CIB2: variants seen among roughly 807,000 people sequenced by gnomAD.
CIB2 encodes the protein calcium and integrin binding family member 2.
In CIB2, 19 loss-of-function variants were observed where a neutral mutation model predicts 23.1. The observed-to-expected ratio is 0.82, with a 90% CI of 0.57 to 1.21. The LOEUF is 1.21. CIB2 is among the 50% of genes most tolerant of loss of function. CIB2 has a pLI of 0.00. For synonymous variants in CIB2, 94 were observed against 91.7 expected (o/e 1.03, Z -0.14); for missense variants, 220 against 241.5 (o/e 0.91, Z 0.59).
chr15:78,118,625 A>G (rs2074274599), intron 2 of CIB2, among the ~76,000 whole-genome samples: 1 of 152,114 alleles, frequency 6.6e-6, no homozygotes. Flanking sequence ...AAAATAACAG[A>G]AAATTTACCA....
At chr15:78,116,153 T>C (rs912275449) in intron 2 of CIB2, among the ~76,000 whole-genome samples, 5 of 151,874 alleles carry the variant, frequency 3.3e-5, no homozygotes, top group Non-Finnish European at 7.4e-5. Flanking sequence ...ATACAGGAGG[T>C]GCCGATTTAA....
At chr15:78,111,362 C>G in intron 2 of CIB2, 86 bp from the exon 3 acceptor site, 1 of 1,027,786 alleles carries the variant, frequency 9.7e-7, no homozygotes, top group Non-Finnish European at 1.5e-6. Context: ...AGGCCTCTGC[C>G]TCTGCAGAAC....
chr15:78,110,234 G>A (rs906202598), intron 3 of CIB2, among the ~76,000 whole-genome samples: 3 of 152,206 alleles, frequency 2.0e-5, no homozygotes, highest in African/African-American at 4.8e-5. Flanking sequence ...CTGAGCTAGC[G>A]CTTGGCTAGC....
chr15:78,109,838 C>T (rs990243154), intron 3 of CIB2, among the ~76,000 whole-genome samples: 1 of 149,530 alleles, frequency 6.7e-6, no homozygotes, highest in Non-Finnish European at 1.5e-5. Flanking sequence ...ATGCTGAGCA[C>T]AGCCAGTGTG....
intron 4 of CIB2, 25 bp downstream of exon 4, chr15:78,109,210 G>C: frequency 3.3e-6 from 5 of 1,515,242 alleles, no homozygotes; most frequent in Admixed American, 3.9e-5. Flanking sequence ...CGCATATTCA[G>C]GCCCCCTCCT....
At chr15:78,109,580 A>C (rs1291624827) in intron 3 of CIB2, 198 bp from the exon 4 acceptor site, 1 of 637,148 alleles carries the variant, frequency 1.6e-6, no homozygotes, top group Non-Finnish European at 2.8e-6. Context: ...TAAAGTATGT[A>C]AGGTGTTGGT....
At chr15:78,127,935 T>C (rs2074403145) in intron 1 of CIB2, among the ~76,000 whole-genome samples, 1 of 152,242 alleles carries the variant, frequency 6.6e-6, no homozygotes, top group Non-Finnish European at 1.5e-5. Flanking sequence ...CAGCATCAAC[T>C]ACCCAGCTGA....
Position 78,111,336 on chromosome 15 carries a change from C to T in CIB2, c.87-60G>A, listed in dbSNP as rs546124617. On this transcript the variant is annotated intron_variant, in intron 2 of 5. Transcript: ENST00000258930. ...GTGCCATCCCTAAGCCCCAGCAGCC[C>T]GGTGCTGTCCTGCCTAGGCCTCTGC... 237 of 1,377,436 alleles carry T rather than the reference C, an allele frequency of 1.7e-4. 3 individuals carry two copies. The South Asian group carries it at 2.4e-3, about 14-fold the overall frequency. The allele number at this position is 1,377,436 out of a possible 1,614,324, so 85.3% of individuals were successfully genotyped here. A position where few individuals can be genotyped will look rare whatever the true frequency, so the allele number is the denominator to read the frequency against.
intron 4 of CIB2, among the ~76,000 whole-genome samples, chr15:78,107,404 GC>G (rs1160081171): frequency 1.3e-5 from 2 of 152,202 alleles, no homozygotes; most frequent in East Asian, 1.9e-4. Context: ...ATTCATCTCT[GC>G]CCATGGCATG....
At chr15:78,114,559 A>G (rs1312837347) in intron 2 of CIB2, among the ~76,000 whole-genome samples, 1 of 152,208 alleles carries the variant, frequency 6.6e-6, no homozygotes, top group East Asian at 1.9e-4. Flanking sequence ...AAAGTTAACA[A>G]GAACCCTGAT....
chr15:78,114,653 G>T (rs1432353560), intron 2 of CIB2, among the ~76,000 whole-genome samples: 1 of 151,976 alleles, frequency 6.6e-6, no homozygotes, highest in South Asian at 2.1e-4. Context: ...TAACATACTG[G>T]GGGCCAGGCA....
chr15:78,114,220 A>G (rs2141896703), intron 2 of CIB2, among the ~76,000 whole-genome samples: 1 of 152,336 alleles, frequency 6.6e-6, no homozygotes, highest in South Asian at 2.1e-4. Context: ...GGTGCTTGGC[A>G]GGGTTGAGGA....
chr15:78,130,780 C>T (rs745799195), intron 1 of CIB2, among the ~76,000 whole-genome samples: 2 of 152,188 alleles, frequency 1.3e-5, no homozygotes, highest in Non-Finnish European at 2.9e-5. Context: ...ACTCGCTCTC[C>T]TGGGCTCCTT....
At chr15:78,119,192 G>A (rs972791880) in intron 2 of CIB2, among the ~76,000 whole-genome samples, 1 of 151,744 alleles carries the variant, frequency 6.6e-6, no homozygotes, top group Admixed American at 6.6e-5. Flanking sequence ...AAGTGGAATC[G>A]TATATGTCAT....
chr15:78,109,198 A>ACT, intron 4 of CIB2, 37 bp downstream of exon 4: 1 of 1,301,918 alleles, frequency 7.7e-7, no homozygotes, highest in Non-Finnish European at 1.1e-6. Context: ...ATGTTCCCCC[A>ACT]CCGCATATTC....
chr15:78,109,885 C>T (rs2074130559), intron 3 of CIB2, among the ~76,000 whole-genome samples: 1 of 151,300 alleles, frequency 6.6e-6, no homozygotes, highest in Non-Finnish European at 1.5e-5. Context: ...GAAGCAGAAG[C>T]AGAAGCACAG....
chr15:78,105,382 G>A lies in CIB2; in HGVS notation c.543-50C>T, dbSNP rs140416909. The stretch of plus-strand genomic sequence containing the variant: ...AGGGTGAGAGGCCCTGGGTCGGGCA[G>A]GTAAAGGCTCCTCAGGGAAAAGCAC... On this transcript the variant is annotated intron_variant, in intron 5 of 5. Coordinates refer to ENST00000258930, the MANE Select transcript of CIB2 (RefSeq NM_006383.4). 702 of 1,612,542 alleles carry A rather than the reference G, an allele frequency of 4.4e-4. 8 individuals are homozygous for A. In the East Asian group the frequency reaches 0.011, roughly 26 times the overall value.
At position 78,111,343 on chromosome 15, in the gene CIB2, G is replaced by C. The variant is rs886766317; in HGVS notation, c.87-67C>G. On this transcript the variant is annotated intron_variant, in intron 2 of 5. Transcript: ENST00000258930. ...CCCTAAGCCCCAGCAGCCCGGTGCT[G>C]TCCTGCCTAGGCCTCTGCCTCTGCA... The C allele has an allele frequency of 3.8e-6, 5 of 1,302,368 alleles. No individual in the cohort carries two copies. In the East Asian group the frequency reaches 1.2e-4, roughly 30 times the overall value. The allele number at this position is 1,302,368 out of a possible 1,614,324, so 80.7% of individuals were successfully genotyped here. A position where few individuals can be genotyped will look rare whatever the true frequency, so the allele number is the denominator to read the frequency against.
At chr15:78,114,414 A>G (rs2074208200) in intron 2 of CIB2, among the ~76,000 whole-genome samples, 2 of 152,222 alleles carry the variant, frequency 1.3e-5, no homozygotes, top group South Asian at 4.1e-4. Flanking sequence ...CCTCTCCCCC[A>G]ATAAAGGGCA....
Sources: allele counts gnomAD v4.1 joint callset (sites outside exome capture counted in the v4.1 genomes callset), GRCh38; gene constraint gnomAD v4.1.1; transcripts MANE v1.5; gene names NCBI Gene and HGNC (gene_info 2026-07-23, HGNC 2026-07-21).